MTHFD2L: variants seen among roughly 807,000 people sequenced by gnomAD.
MTHFD2L encodes the protein methylenetetrahydrofolate dehydrogenase (NADP+ dependent) 2 like.
In MTHFD2L, 29 loss-of-function variants were observed where a neutral mutation model predicts 34.9. The observed-to-expected ratio is 0.83, with a 90% confidence interval of 0.62 to 1.13. The LOEUF (loss-of-function observed/expected upper bound fraction) is 1.13. MTHFD2L is among the 50% of genes most tolerant of loss of function. MTHFD2L has a pLI of 0.00. For synonymous variants in MTHFD2L, 167 were observed against 155.7 expected, an observed-to-expected ratio of 1.07 and a Z score of -0.54; for missense variants, 481 against 446.5, an observed-to-expected ratio of 1.08 and a Z score of -0.70.
chr4:74,162,118 G>A (rs1171036443), intron 1 of MTHFD2L: 1 of 152,124 alleles, frequency 6.6e-6, no homozygotes, highest in African/African-American at 2.4e-5. Context: ...AGAATTCAGG[G>A]CGGGATATTA....
At chr4:74,248,158 G>A (rs375168540) in intron 6 of MTHFD2L, among the ~76,000 whole-genome samples, 1 of 151,406 alleles carries the variant, frequency 6.6e-6, no homozygotes, top group African/African-American at 2.4e-5. Context: ...CAATTTCAGA[G>A]CCTGTTACTG....
At chr4:74,118,292 C>T (rs904953192) in intron 2 of MTHFD2L, among the ~76,000 whole-genome samples, 35 of 152,154 alleles carry the variant, frequency 2.3e-4, no homozygotes, top group African/African-American at 6.7e-4. Context: ...CTGATTCACA[C>T]GAAAAAATAC....
chr4:74,301,474 G>A (rs1183955564), intron 7 of MTHFD2L, among the ~76,000 whole-genome samples: 2 of 151,564 alleles, frequency 1.3e-5, no homozygotes, highest in Non-Finnish European at 2.9e-5. Flanking sequence ...GGTCCATTTT[G>A]GTCTTTCTGT....
At chr4:74,145,238 T>C (rs1723523330) in intron 1 of MTHFD2L, among the ~76,000 whole-genome samples, 1 of 150,998 alleles carries the variant, frequency 6.6e-6, no homozygotes, top group Non-Finnish European at 1.5e-5. Flanking sequence ...GGGTTGAAAA[T>C]ATTTTAAAAA....
At chr4:74,169,774 A>G (rs890441711) in intron 1 of MTHFD2L, among the ~76,000 whole-genome samples, 1 of 152,192 alleles carries the variant, frequency 6.6e-6, no homozygotes, top group Non-Finnish European at 1.5e-5. Flanking sequence ...TTCATAAAAT[A>G]TCCTTACCAG....
intron 6 of MTHFD2L, chr4:74,242,197 T>C (rs1741821855): frequency 6.4e-5 from 1 of 15,592 alleles, no homozygotes. Flanking sequence ...AGTAAATAAG[T>C]AAAAAAATAA....
chr4:74,176,708 A>G (rs1236907250), intron 3 of MTHFD2L, among the ~76,000 whole-genome samples: 1 of 152,030 alleles, frequency 6.6e-6, no homozygotes, highest in African/African-American at 2.4e-5. Flanking sequence ...GAAATGTGTT[A>G]TTGGAGGACT....
At chr4:74,202,153 CTTATGT>C (rs1181204882) in intron 5 of MTHFD2L, among the ~76,000 whole-genome samples, 3 of 152,150 alleles carry the variant, frequency 2.0e-5, no homozygotes, top group Non-Finnish European at 4.4e-5. Flanking sequence ...GTCAGCAAGA[CTTATGT>C]TTATTCAGTA....
intron 6 of MTHFD2L, among the ~76,000 whole-genome samples, chr4:74,226,401 C>T (rs1192443367): frequency 6.6e-6 from 1 of 152,000 alleles, no homozygotes; most frequent in African/African-American, 2.4e-5. Context: ...TTTAATACTT[C>T]CTTCAATGAT....
At chr4:74,143,813 A>G (rs1215214960) in intron 1 of MTHFD2L, among the ~76,000 whole-genome samples, 2 of 152,234 alleles carry the variant, frequency 1.3e-5, no homozygotes, top group Admixed American at 6.5e-5. Context: ...TATATAACTT[A>G]TGAGAAGAAA....
At position 74,158,755 on chromosome 4, in the gene MTHFD2L, A is replaced by G. The variant is rs372917456; in HGVS notation, c.143+474A>G. On this transcript the variant is annotated intron_variant, in intron 1 of 7. Coordinates refer to ENST00000325278, the MANE Select transcript of MTHFD2L (RefSeq NM_001144978.3). ...TCTAAAATTATTTATGGTTTCACAA[A>G]ACCAAATATCAATCCAGATTTCTCA... Among the ~76,000 whole-genome samples, 30 of 152,326 alleles carry G rather than the reference A, an allele frequency of 2.0e-4. No homozygotes were observed. In the East Asian group the frequency reaches 5.4e-3, roughly 27 times the overall value.
intron 1 of MTHFD2L, among the ~76,000 whole-genome samples, chr4:74,139,249 C>T (rs1279220328): frequency 6.6e-6 from 1 of 152,028 alleles, no homozygotes; most frequent in Non-Finnish European, 1.5e-5. Context: ...GGGAAGGTCC[C>T]AAAGGTGATA....
intron 5 of MTHFD2L, among the ~76,000 whole-genome samples, chr4:74,223,092 C>T (rs1156696385): frequency 6.6e-6 from 1 of 151,972 alleles, no homozygotes; most frequent in African/African-American, 2.4e-5. Flanking sequence ...GGTATACACC[C>T]AAAGGAATAT....
exon 2 of MTHFD2L, chr4:74,114,614 G>T (rs1000856460): frequency 6.6e-6 from 1 of 152,204 alleles, no homozygotes; most frequent in Non-Finnish European, 1.5e-5. Context: ...CGGACCTACA[G>T]TTCACCATTT....
chr4:74,281,391 A>G (rs1234084338), intron 6 of MTHFD2L, 34 bp from the exon 7 acceptor site: 7 of 1,597,272 alleles, frequency 4.4e-6, no homozygotes, highest in Admixed American at 1.7e-5. Flanking sequence ...CACCTTTGTT[A>G]TGCTGAAGGA....
At chr4:74,272,230 T>C (rs1381936971) in intron 6 of MTHFD2L, among the ~76,000 whole-genome samples, 1 of 152,094 alleles carries the variant, frequency 6.6e-6, no homozygotes, top group Non-Finnish European at 1.5e-5. Context: ...AGGTGTGGGA[T>C]CACGGAGGAG....
intron 5 of MTHFD2L, among the ~76,000 whole-genome samples, chr4:74,205,586 A>AT (rs950525819): frequency 4.6e-5 from 7 of 151,888 alleles, no homozygotes; most frequent in African/African-American, 9.7e-5. Context: ...TTTCTTGAGT[A>AT]TTTTTTTTAA....
At chr4:74,263,515 A>G (rs1578654338) in intron 6 of MTHFD2L, among the ~76,000 whole-genome samples, 1 of 151,896 alleles carries the variant, frequency 6.6e-6, no homozygotes, top group East Asian at 1.9e-4. Flanking sequence ...AGCAATGGTT[A>G]GTAGTTCTCC....
At chr4:74,237,841 G>A (rs1741075089) in intron 6 of MTHFD2L, among the ~76,000 whole-genome samples, 1 of 152,174 alleles carries the variant, frequency 6.6e-6, no homozygotes, top group African/African-American at 2.4e-5. Flanking sequence ...AAAGGTAGGG[G>A]AGAGGCAAAG....
Sources: gnomAD v4.1 joint callset for allele counts (sites outside exome capture counted in the v4.1 genomes callset) on GRCh38, gnomAD v4.1.1 for gene constraint, MANE v1.5 for transcripts, NCBI Gene and HGNC (gene_info 2026-07-23, HGNC 2026-07-21) for gene names.